Variants in TFAP2B observed in about 807,000 individuals in gnomAD.
TFAP2B encodes the protein transcription factor AP-2-beta.
Under a neutral mutation model 44.3 loss-of-function variants are expected in TFAP2B, and 9 were observed. The ratio of observed to expected loss-of-function variants is 0.20; its 90% confidence interval spans 0.12 to 0.35. The LOEUF is 0.35. Among genes scored for constraint, TFAP2B ranks in the 10% least tolerant of loss-of-function variants. The pLI, the probability that TFAP2B is intolerant of heterozygous loss-of-function variation, is 1.00. For synonymous variants in TFAP2B, 270 were observed against 263.8 expected (o/e 1.02, Z -0.23); for missense variants, 509 against 600.0 (o/e 0.85, Z 1.59).
At chr6:50,836,858 C>T (rs2113950986) in intron 4 of TFAP2B, among the ~76,000 whole-genome samples, 1 of 152,312 alleles carries the variant, frequency 6.6e-6, no homozygotes, top group Admixed American at 6.5e-5. Flanking sequence ...AACACCACCA[C>T]CAATAATAGC....
rs767805944 is a variant in TFAP2B, at chr6:50,823,770, G to C, written c.445G>C (p.Val149Leu). Residue 149 changes from valine to leucine, a missense_variant, in exon 2 of 7, where the codon GTG (valine) becomes CTG (leucine). Transcript: ENST00000393655. Reference sequence around the variant, plus strand: ...CTACCACTCGGTCCGCCGGCCGGACGTGCTGCTGCATTCGGCGCACCACGG... The same window carrying C: ...CTACCACTCGGTCCGCCGGCCGGACCTGCTGCTGCATTCGGCGCACCACGG... ...RDYHSVRRPD[V>L]LLHSAHHGLD... is the part of the protein sequence containing the mutation. 1 of 1,598,504 alleles carries C rather than the reference G, an allele frequency of 6.3e-7. No individual in the cohort carries two copies. Among genetic ancestry groups the C allele is most frequent in the African/African-American group, 1.3e-5 (1 of 74,592 alleles).
chr6:50,824,332 G>C (rs974742670), intron 2 of TFAP2B, among the ~76,000 whole-genome samples: 1 of 152,166 alleles, frequency 6.6e-6, no homozygotes, highest in African/African-American at 2.4e-5. Flanking sequence ...AGTTCCAGGG[G>C]CCTCTGTATG....
intron 1 of TFAP2B, among the ~76,000 whole-genome samples, chr6:50,820,764 C>T (rs1033385535): frequency 6.6e-6 from 1 of 152,192 alleles, no homozygotes; most frequent in African/African-American, 2.4e-5. Context: ...AAGCTATATG[C>T]ATGCAGAGGC....
chr6:50,842,336 C>T (rs1359621908), intron 6 of TFAP2B, among the ~76,000 whole-genome samples: 1 of 152,206 alleles, frequency 6.6e-6, no homozygotes, highest in Non-Finnish European at 1.5e-5. Flanking sequence ...TTGTAGGTGG[C>T]TTGAGGAAAT....
intron 2 of TFAP2B, among the ~76,000 whole-genome samples, 189 bp downstream of exon 2, chr6:50,824,054 TC>T (rs1770437251): frequency 6.6e-6 from 1 of 152,210 alleles, no homozygotes; most frequent in Non-Finnish European, 1.5e-5. Context: ...AGTGGCGATT[TC>T]CAGAGGTCTA....
intron 3 of TFAP2B, among the ~76,000 whole-genome samples, chr6:50,833,098 C>T (rs556506112): frequency 2.0e-5 from 3 of 152,272 alleles, no homozygotes; most frequent in African/African-American, 7.2e-5. Context: ...TTTTGCCATG[C>T]CCCATTTCCT....
rs547301591 is a variant in TFAP2B at position 50,844,134 on chromosome 6, G to T, written c.*742G>T. ...TTTTTGGTGCCGGCCGGCAGAGCAG[G>T]TTCTGGCGGCTGAGGAAAATCCGGA... is the stretch of plus-strand genomic sequence containing the variant. On this transcript the variant is annotated 3_prime_UTR_variant, in exon 7 of 7. Transcript: ENST00000393655. 2 of 152,204 alleles carry T rather than the reference G, an allele frequency of 1.3e-5. No individual in the cohort carries two copies. The highest frequency in any genetic ancestry group is 1.3e-4 in the Admixed American group (2 of 15,278). The allele number at this position is 152,204 out of a possible 1,614,324, so 9.4% of individuals were successfully genotyped here.
At position 50,823,885 on chromosome 6, in the gene TFAP2B, CAA is replaced by C. The variant is rs1225050086; in HGVS notation, c.540+22_540+23del. On this transcript the variant is annotated intron_variant, in intron 2 of 6. Transcript: ENST00000393655. ...GTCCAGGTAACCACAAACAAACAAACAAACAAACAAAAAAGACCACGAATAAG... is the reference window on the plus strand; with the variant it reads ...GTCCAGGTAACCACAAACAAACAAACACAAACAAAAAAGACCACGAATAAG... 7.1e-6 allele frequency: 11 copies of C among 1,538,956 alleles called. No homozygotes were observed. Among genetic ancestry groups the C allele is most frequent in the Middle Eastern group, 3.3e-4 (2 of 6,012 alleles).
At position 50,823,631 on chromosome 6, in the gene TFAP2B, G is replaced by A. The variant is rs1262301431; in HGVS notation, c.306G>A (p.Gln102=). The A allele has an allele frequency of 6.2e-7, 1 of 1,614,058 alleles. No homozygotes were observed. The highest frequency in any genetic ancestry group is 8.5e-7 in the Non-Finnish European group (1 of 1,179,988). The part of the protein sequence containing the change: ...PYSLNPLHQP[Q]QHPWGQRQRQ... ...CCCTGAACCCACTGCACCAGCCCCAGCAACATCCCTGGGGGCAACGGCAGC... is the reference window on the plus strand; with the variant it reads ...CCCTGAACCCACTGCACCAGCCCCAACAACATCCCTGGGGGCAACGGCAGC... Residue 102 remains glutamine, a synonymous_variant, in exon 2 of 7, where the codon CAG becomes CAA. Coordinates refer to ENST00000393655, the MANE Select transcript of TFAP2B (RefSeq NM_003221.4).
chr6:50,827,357 A>T (rs765406128), intron 2 of TFAP2B, among the ~76,000 whole-genome samples: 4 of 152,244 alleles, frequency 2.6e-5, no homozygotes, highest in Non-Finnish European at 5.9e-5. Context: ...TGTTGCAGCA[A>T]GGATAACAAT....
At chr6:50,843,000 G>A (rs978654843) in intron 6 of TFAP2B, 92 bp from the exon 7 acceptor site, 8 of 1,542,752 alleles carry the variant, frequency 5.2e-6, no homozygotes, top group Non-Finnish European at 7.2e-6. Context: ...TCGGTGACCC[G>A]GCGCCTCTGG....
chr6:50,818,580 A>G (rs899492929), upstream of TFAP2B: 10 of 300,916 alleles, frequency 3.3e-5, no homozygotes, highest in Non-Finnish European at 6.2e-5. Context: ...TCTTTGTTAA[A>G]TGCACATTTG....
chr6:50,843,353 T>C lies in TFAP2B; in HGVS notation c.1344T>C (p.Gly448=). Reference sequence around the variant, plus strand: ...GGCACACGTCTGGGGAAGGCCCAGGTAGTAAAACTGGCGACAAGGAGGAGA... The same window carrying C: ...GGCACACGTCTGGGGAAGGCCCAGGCAGTAAAACTGGCGACAAGGAGGAGA... The part of the protein sequence containing the change: ...TNRHTSGEGP[G]SKTGDKEEKH... Residue 448 remains glycine, a synonymous_variant, in exon 7 of 7, where the codon GGT becomes GGC. Coordinates refer to ENST00000393655, the MANE Select transcript of TFAP2B (RefSeq NM_003221.4). The C allele has an allele frequency of 6.2e-7, 1 of 1,613,890 alleles. No homozygotes were observed. Among genetic ancestry groups the C allele is most frequent in the Non-Finnish European group, 8.5e-7 (1 of 1,180,002 alleles).
intron 6 of TFAP2B, among the ~76,000 whole-genome samples, chr6:50,842,858 G>A (rs574422313): frequency 1.3e-5 from 2 of 152,348 alleles, no homozygotes; most frequent in East Asian, 3.9e-4. Context: ...TGAAGTCGGG[G>A]GAAGGCAAGG....
intron 1 of TFAP2B, among the ~76,000 whole-genome samples, chr6:50,821,065 A>C (rs3798519): frequency 0.18 from 27,822 of 152,238 alleles, 2,800 homozygotes; most frequent in Admixed American, 0.28. Flanking sequence ...AGTCTGGACT[A>C]AGGTTGAACT....
Position 50,843,516 on chromosome 6 carries a change from C to CA in TFAP2B, c.*126dup. The CA allele has an allele frequency of 1.0e-6, 1 of 955,562 alleles. No individual in the cohort carries two copies. The highest frequency in any genetic ancestry group is 1.5e-6 in the Non-Finnish European group (1 of 659,614). 59.2% of individuals were successfully genotyped at this position (955,562 alleles called of 1,614,324 possible). ...AATTATATTAGGTAGAATACACATACAATCAAAATTTTAAAAAAAAAAGCT... is the reference window on the plus strand; with the variant it reads ...AATTATATTAGGTAGAATACACATACAAATCAAAATTTTAAAAAAAAAAGCT... On this transcript the variant is annotated 3_prime_UTR_variant, in exon 7 of 7. Coordinates refer to ENST00000393655, the MANE Select transcript of TFAP2B (RefSeq NM_003221.4).
intron 3 of TFAP2B, among the ~76,000 whole-genome samples, chr6:50,831,370 C>T (rs1770664273): frequency 6.6e-6 from 1 of 152,186 alleles, no homozygotes; most frequent in African/African-American, 2.4e-5. Flanking sequence ...GCTATTAATG[C>T]AATCTGCAGG....
intron 3 of TFAP2B, among the ~76,000 whole-genome samples, chr6:50,830,645 C>T (rs1413369310): frequency 6.6e-6 from 1 of 152,156 alleles, no homozygotes; most frequent in Non-Finnish European, 1.5e-5. Context: ...TAATATTTGA[C>T]ATATTTGCTT....
At chr6:50,824,059 A>G (rs996675333) in intron 2 of TFAP2B, among the ~76,000 whole-genome samples, 194 bp downstream of exon 2, 2 of 152,196 alleles carry the variant, frequency 1.3e-5, no homozygotes, top group African/African-American at 4.8e-5. Context: ...CGATTTCCAG[A>G]GGTCTAATTA....
Sources: gnomAD v4.1 joint callset for allele counts (sites outside exome capture counted in the v4.1 genomes callset) on GRCh38, gnomAD v4.1.1 for gene constraint, MANE v1.5 for transcripts, NCBI Gene and HGNC (gene_info 2026-07-23, HGNC 2026-07-21) for gene names.